TM9SF2: variants seen among roughly 807,000 people sequenced by gnomAD.
TM9SF2 encodes transmembrane 9 superfamily member 2, also known as 76 kDa membrane protein.
In TM9SF2, 13 loss-of-function variants were observed where a neutral mutation model predicts 84.9. The observed-to-expected ratio is 0.15, with a 90% CI of 0.10 to 0.24. The LOEUF (loss-of-function observed/expected upper bound fraction) is 0.24. Ranked by LOEUF, TM9SF2 falls within the 10% of genes least tolerant of loss-of-function variation. TM9SF2 has a pLI of 1.00. For missense variants in TM9SF2, 562 were observed against 818.5 expected (o/e 0.69, Z 3.82); for synonymous variants, 273 against 285.8 (o/e 0.96, Z 0.45).
intron 3 of TM9SF2, among the ~76,000 whole-genome samples, chr13:99,521,642 A>C (rs75889377): frequency 0.026 from 3,895 of 152,304 alleles, 165 homozygotes; most frequent in African/African-American, 0.087. Flanking sequence ...TCACTGTGCA[A>C]ATTTAATCCA....
chr13:99,529,736 G>C, intron 4 of TM9SF2, 142 bp downstream of exon 4: 1 of 850,594 alleles, frequency 1.2e-6, no homozygotes, highest in Non-Finnish European at 1.7e-6. Context: ...GTCGTAGCTT[G>C]AAGTAGTGAC....
chr13:99,554,381 T>C lies in TM9SF2; in HGVS notation c.1566T>C (p.Pro522=). The change falls in exon 14 of 17, where the codon CCT becomes CCC. Residue 522 remains proline, a synonymous_variant. Coordinates refer to ENST00000376387, the MANE Select transcript of TM9SF2 (RefSeq NM_004800.3). ...PEQSFYTKPL[P]GIIMGGILPF... ...AGTCGTTCTACACGAAGCCCTTGCC[T>C]GGTATTATCATGGGAGGGATTTTGC... The C allele has an allele frequency of 6.2e-7, 1 of 1,614,238 alleles. No homozygotes were observed. Among genetic ancestry groups the C allele is most frequent in the Non-Finnish European group, 8.5e-7 (1 of 1,180,028 alleles).
chr13:99,544,003 T>G lies in TM9SF2; in HGVS notation c.1150+8T>G. On this transcript the variant is annotated splice_region_variant and intron_variant, in intron 10 of 16. Coordinates refer to ENST00000376387, the MANE Select transcript of TM9SF2 (RefSeq NM_004800.3). ...TGACCTTTGTGACTCTATGTAAGTG[T>G]TAACTGAAAATTTTCAAGTAGAAAA... is the stretch of plus-strand genomic sequence containing the variant. 2 of 1,607,374 alleles carry G rather than the reference T, an allele frequency of 1.2e-6. No individual in the cohort carries two copies.
intron 16 of TM9SF2, among the ~76,000 whole-genome samples, chr13:99,560,497 T>C (rs922597385): frequency 2.6e-5 from 4 of 152,108 alleles, no homozygotes; most frequent in Non-Finnish European, 5.9e-5. Context: ...AAAACAGCAG[T>C]AGCCAGTGAA....
intron 2 of TM9SF2, among the ~76,000 whole-genome samples, chr13:99,518,655 G>A (rs2046145135): frequency 6.6e-6 from 1 of 152,114 alleles, no homozygotes; most frequent in African/African-American, 2.4e-5. Context: ...GGAGTGCAGT[G>A]GCACGATCAT....
intron 9 of TM9SF2, among the ~76,000 whole-genome samples, chr13:99,542,887 CAG>C (rs1351005780): frequency 1.3e-5 from 2 of 152,154 alleles, no homozygotes; most frequent in African/African-American, 2.4e-5. Context: ...GCACAGCAGT[CAG>C]AGTGAAACTG....
intron 1 of TM9SF2, among the ~76,000 whole-genome samples, chr13:99,517,291 T>A (rs905787731): frequency 1.3e-5 from 2 of 151,944 alleles, no homozygotes; most frequent in Admixed American, 6.6e-5. Flanking sequence ...TTTTAAAAAA[T>A]TAAAAAAAAA....
intron 10 of TM9SF2, among the ~76,000 whole-genome samples, chr13:99,545,447 T>C (rs2046278577): frequency 6.6e-6 from 1 of 152,046 alleles, no homozygotes; most frequent in Admixed American, 6.5e-5. Context: ...AGAGAATAGG[T>C]CAGGAAAAGG....
chr13:99,533,482 A>G (rs546371581), intron 4 of TM9SF2, among the ~76,000 whole-genome samples: 3 of 152,312 alleles, frequency 2.0e-5, no homozygotes, highest in Admixed American at 6.5e-5. Flanking sequence ...TTTCAGGTCA[A>G]GTAACATTGT....
intron 9 of TM9SF2, among the ~76,000 whole-genome samples, chr13:99,543,554 G>A (rs1482352755): frequency 6.6e-6 from 1 of 152,178 alleles, no homozygotes; most frequent in African/African-American, 2.4e-5. Flanking sequence ...TCGTCATCAA[G>A]TCAGATCACA....
intron 1 of TM9SF2, among the ~76,000 whole-genome samples, chr13:99,510,009 T>C (rs1284672944): frequency 6.6e-6 from 1 of 152,218 alleles, no homozygotes; most frequent in Non-Finnish European, 1.5e-5. Flanking sequence ...TTGAATACTT[T>C]GCTGCTTAAA....
At chr13:99,529,926 A>G (rs2046200943) in intron 4 of TM9SF2, among the ~76,000 whole-genome samples, 1 of 152,226 alleles carries the variant, frequency 6.6e-6, no homozygotes, top group Non-Finnish European at 1.5e-5. Context: ...AATAAAGCAA[A>G]TAACACAATA....
intron 4 of TM9SF2, among the ~76,000 whole-genome samples, chr13:99,531,184 T>A (rs1266960292): frequency 6.6e-6 from 1 of 152,190 alleles, no homozygotes; most frequent in Admixed American, 6.5e-5. Flanking sequence ...TTTTAAAGAC[T>A]TTCAAAATCC....
chr13:99,503,474 C>G (rs954015985), intron 1 of TM9SF2, among the ~76,000 whole-genome samples: 2 of 151,958 alleles, frequency 1.3e-5, no homozygotes, highest in African/African-American at 4.8e-5. Flanking sequence ...ATTGGGAGGC[C>G]GAGGCGGGTG....
At chr13:99,560,932 C>A (rs9513628) in intron 16 of TM9SF2, among the ~76,000 whole-genome samples, 1 of 152,024 alleles carries the variant, frequency 6.6e-6, no homozygotes, top group East Asian at 1.9e-4. Flanking sequence ...ATCTGCCCGC[C>A]TTGGCCTCCC....
intron 6 of TM9SF2, 60 bp downstream of exon 6, chr13:99,537,923 A>C: frequency 1.3e-6 from 2 of 1,541,458 alleles, no homozygotes; most frequent in Admixed American, 2.1e-5. Context: ...CCAAAGAATA[A>C]GTATTTGGGG....
At chr13:99,531,444 C>G (rs866300034) in intron 4 of TM9SF2, among the ~76,000 whole-genome samples, 1 of 152,114 alleles carries the variant, frequency 6.6e-6, no homozygotes, top group Non-Finnish European at 1.5e-5. Context: ...CTGACCAGAT[C>G]CTGTGGCCTC....
chr13:99,534,092 A>T (rs997454156), intron 4 of TM9SF2, among the ~76,000 whole-genome samples: 4 of 152,222 alleles, frequency 2.6e-5, no homozygotes, highest in African/African-American at 9.6e-5. Flanking sequence ...AGCACTGGAC[A>T]CTTAAAACTC....
intron 3 of TM9SF2, among the ~76,000 whole-genome samples, chr13:99,521,700 C>T (rs1002705051): frequency 6.6e-6 from 1 of 151,522 alleles, no homozygotes; most frequent in African/African-American, 2.4e-5. Context: ...TTCAAATATT[C>T]TTTTTTTTTC....
Sources: gnomAD v4.1 joint callset for allele counts (sites outside exome capture counted in the v4.1 genomes callset) on GRCh38, gnomAD v4.1.1 for gene constraint, MANE v1.5 for transcripts, NCBI Gene and HGNC (gene_info 2026-07-23, HGNC 2026-07-21) for gene names.